The following BAIAP2L1 variants were observed in gnomAD, a reference collection of about 807,000 sequenced individuals.
The protein encoded by BAIAP2L1 is BAR/IMD domain-containing adapter protein 2-like 1.
A neutral mutation model predicts 66.3 loss-of-function variants in BAIAP2L1; 35 were observed. The ratio of observed to expected loss-of-function variants is 0.53; its 90% CI spans 0.40 to 0.70. BAIAP2L1 has a LOEUF of 0.70. Ranked by LOEUF, BAIAP2L1 falls within the 30% of genes least tolerant of loss-of-function variation. BAIAP2L1 has a pLI of 0.00. For synonymous variants in BAIAP2L1, 269 were observed against 248.7 expected (o/e 1.08, Z -0.77); for missense variants, 622 against 656.9 (o/e 0.95, Z 0.58).
chr7:98,336,142 GA>G (rs1289944024), intron 3 of BAIAP2L1, among the ~76,000 whole-genome samples: 2 of 151,032 alleles, frequency 1.3e-5, no homozygotes, highest in East Asian at 1.9e-4. Context: ...TGGGGACTAT[GA>G]GGGGGGGTGG....
At position 98,296,262 on chromosome 7, in the gene BAIAP2L1, G is replaced by A. The variant is rs557666363; in HGVS notation, c.1423-2151C>T. On this transcript the variant is annotated intron_variant, in intron 12 of 13. Transcript: ENST00000005260. ...GCCGGGAACGTCCTGCTGGGTATAC[G>A]GAGTCACATCATGAAAATTCATTGT... is the stretch of plus-strand genomic sequence containing the variant. Among the ~76,000 whole-genome samples the A allele has an allele frequency of 6.6e-5, 10 of 152,332 alleles. No individual in the cohort carries two copies. In the South Asian group the frequency reaches 1.0e-3, roughly 16 times the overall value.
chr7:98,390,291 T>C (rs537610407), intron 1 of BAIAP2L1, among the ~76,000 whole-genome samples: 1 of 152,276 alleles, frequency 6.6e-6, no homozygotes, highest in East Asian at 1.9e-4. Context: ...AAATTAGGTT[T>C]ATCTTTAAAT....
chr7:98,307,808 G>A lies in BAIAP2L1; in HGVS notation c.1044C>T (p.Phe348=). 2.5e-6 allele frequency: 4 copies of A among 1,614,244 alleles called. No individual in the cohort carries two copies. The highest frequency in any genetic ancestry group is 3.4e-6 in the Non-Finnish European group (4 of 1,180,042). ...MMKKQKVKTI[F]PHTAGSNKTL... Reference sequence around the variant, plus strand: ...TCTTGTTGGAGCCCGCAGTGTGCGGGAAGATGGTCTTCACTTTCTGCTTCT... The same window carrying A: ...TCTTGTTGGAGCCCGCAGTGTGCGGAAAGATGGTCTTCACTTTCTGCTTCT... Residue 348 remains phenylalanine (F), a synonymous_variant, in exon 10 of 14, where the codon TTC becomes TTT. Coordinates refer to ENST00000005260, the MANE Select transcript of BAIAP2L1 (RefSeq NM_018842.5).
intron 5 of BAIAP2L1, among the ~76,000 whole-genome samples, chr7:98,319,021 T>C (rs1801163990): frequency 6.6e-6 from 1 of 151,318 alleles, no homozygotes; most frequent in Non-Finnish European, 1.5e-5. Flanking sequence ...CGTATGTAAA[T>C]CACTTGGCAT....
At chr7:98,314,012 G>A (rs1204367827) in intron 7 of BAIAP2L1, among the ~76,000 whole-genome samples, 1 of 124,572 alleles carries the variant, frequency 8.0e-6, no homozygotes, top group Non-Finnish European at 1.6e-5. Flanking sequence ...TTGAGACAGA[G>A]TCTTGCTCTG....
chr7:98,307,924 C>T, intron 9 of BAIAP2L1, 28 bp from the exon 10 acceptor site: 1 of 1,607,208 alleles, frequency 6.2e-7, no homozygotes, highest in Non-Finnish European at 8.5e-7. Context: ...GCAGTAATGG[C>T]TTTTCAAAGC....
At chr7:98,363,819 C>T (rs1461513041) in intron 1 of BAIAP2L1, among the ~76,000 whole-genome samples, 2 of 152,108 alleles carry the variant, frequency 1.3e-5, no homozygotes, top group Non-Finnish European at 2.9e-5. Context: ...TTCAAAGAGG[C>T]AGGTGCTTTA....
intron 5 of BAIAP2L1, 96 bp downstream of exon 5, chr7:98,319,962 G>A (rs1410795966): frequency 1.0e-6 from 1 of 968,290 alleles, no homozygotes; most frequent in South Asian, 1.5e-5. Context: ...CTTCTCTCCT[G>A]TCTGCTGCTG....
chr7:98,347,508 G>A (rs926542161), intron 3 of BAIAP2L1, among the ~76,000 whole-genome samples: 2 of 152,166 alleles, frequency 1.3e-5, no homozygotes, highest in African/African-American at 4.8e-5. Context: ...AGGCGCAGTG[G>A]CTCACGCCTG....
chr7:98,331,465 C>CTTTTTTTTTTTT (rs34202570), intron 3 of BAIAP2L1, among the ~76,000 whole-genome samples: 1 of 115,676 alleles, frequency 8.6e-6, no homozygotes, highest in Non-Finnish European at 1.7e-5. Context: ...AAAGAAAAAT[C>CTTTTTTTTTTTT]TTTTTTTTTT....
rs79829514 is a variant in BAIAP2L1 at position 98,352,329 on chromosome 7, T to C, written c.214+2713A>G. Among the ~76,000 whole-genome samples, 505 of 152,248 alleles carry C rather than the reference T, an allele frequency of 3.3e-3. 1 individual carries two copies. Among genetic ancestry groups the C allele is most frequent in the African/African-American group, 0.011 (466 of 41,558 alleles). On this transcript the variant is annotated intron_variant, in intron 3 of 13. Transcript: ENST00000005260. ...TAAATAAAACAGAAAGTTATTTCTG[T>C]TCCCTCTGAATAAAATACATACGCA...
intron 1 of BAIAP2L1, among the ~76,000 whole-genome samples, chr7:98,373,958 A>G (rs972283057): frequency 6.6e-6 from 1 of 152,082 alleles, no homozygotes; most frequent in Admixed American, 6.6e-5. Context: ...AGTTGAGAAC[A>G]TTTATTTATT....
chr7:98,326,343 T>C (rs530747560), intron 3 of BAIAP2L1, among the ~76,000 whole-genome samples: 1 of 152,280 alleles, frequency 6.6e-6, no homozygotes, highest in East Asian at 1.9e-4. Context: ...AAATAAGTGA[T>C]AGGGTGAGCA....
intron 3 of BAIAP2L1, among the ~76,000 whole-genome samples, chr7:98,334,375 T>C (rs1486651142): frequency 6.6e-6 from 1 of 152,202 alleles, no homozygotes; most frequent in South Asian, 2.1e-4. Context: ...TTCAGTCACC[T>C]AGTAATTTTT....
chr7:98,357,020 AAT>A (rs1554337327), intron 2 of BAIAP2L1, among the ~76,000 whole-genome samples: 3 of 28,096 alleles, frequency 1.1e-4, no homozygotes, highest in African/African-American at 6.9e-4. Flanking sequence ...AAAAAAAAAA[AAT>A]ATATATATAT....
intron 1 of BAIAP2L1, among the ~76,000 whole-genome samples, chr7:98,377,661 A>G (rs1301611737): frequency 6.6e-6 from 1 of 151,452 alleles, no homozygotes; most frequent in African/African-American, 2.4e-5. Context: ...TCTATTAAAT[A>G]TACAAAATTA....
At chr7:98,308,091 C>T (rs763343561) in intron 9 of BAIAP2L1, 195 bp from the exon 10 acceptor site, 25 of 697,448 alleles carry the variant, frequency 3.6e-5, no homozygotes, top group African/African-American at 8.8e-5. Flanking sequence ...ACAGAGGCAG[C>T]GTGCAGCCTG....
intron 1 of BAIAP2L1, among the ~76,000 whole-genome samples, chr7:98,393,707 G>C (rs1444778245): frequency 6.7e-6 from 1 of 149,000 alleles, no homozygotes; most frequent in Non-Finnish European, 1.5e-5. Context: ...CTGTGGTCTT[G>C]ATCTCCTGAC....
In BAIAP2L1 at chr7:98,304,271, G is replaced by A. The variant is rs539226207; in HGVS notation, c.1347C>T (p.Ala449=). The A allele has an allele frequency of 2.7e-5, 44 of 1,613,580 alleles. No individual in the cohort carries two copies. The highest frequency in any genetic ancestry group is 1.3e-4 in the African/African-American group (10 of 75,046). Residue 449 remains alanine (A), a synonymous_variant, in exon 12 of 14, where the codon GCC becomes GCT. Transcript: ENST00000005260. ...TCCTGGCCGAATCTGCTCTCCTGTCGGCAGCTGCCCCCATGGACAAGCATT... is the reference window on the plus strand; with the variant it reads ...TCCTGGCCGAATCTGCTCTCCTGTCAGCAGCTGCCCCCATGGACAAGCATT... ...YLECLSMGAA[A]DRRADSARTT...
Sources: allele counts gnomAD v4.1 joint callset (sites outside exome capture counted in the v4.1 genomes callset), GRCh38; gene constraint gnomAD v4.1.1; transcripts MANE v1.5; gene names NCBI Gene and HGNC (gene_info 2026-07-23, HGNC 2026-07-21).